The following BRINP3 variants were observed in gnomAD, a reference collection of about 807,000 sequenced individuals.
The protein encoded by BRINP3 is BMP/retinoic acid-inducible neural-specific protein 3.
A neutral mutation model predicts 71.0 loss-of-function variants in BRINP3; 19 were observed. The ratio of observed to expected loss-of-function variants is 0.27; its 90% CI spans 0.19 to 0.39. The LOEUF (loss-of-function observed/expected upper bound fraction) is 0.39. Ranked by LOEUF, BRINP3 falls within the 10% of genes least tolerant of loss-of-function variation. The probability of loss-of-function intolerance (pLI) is 1.00; values close to 1 mark genes in which losing one functional copy is unlikely to be tolerated. For synonymous variants in BRINP3, 380 were observed against 337.7 expected (o/e 1.13, Z -1.37); for missense variants, 959 against 940.8 (o/e 1.02, Z -0.25).
At chr1:190,247,692 A>G (rs1173042222) in intron 4 of BRINP3, among the ~76,000 whole-genome samples, 2 of 151,134 alleles carry the variant, frequency 1.3e-5, no homozygotes, top group Non-Finnish European at 3.0e-5. Flanking sequence ...CTACCTCTCT[A>G]CTTTCAGGAA....
At chr1:190,430,922 C>A (rs1674056137) in intron 2 of BRINP3, among the ~76,000 whole-genome samples, 1 of 151,868 alleles carries the variant, frequency 6.6e-6, no homozygotes, top group East Asian at 1.9e-4. Flanking sequence ...CTACTTAAAT[C>A]TGTTTATCCT....
At chr1:190,265,093 T>C (rs368333246) in intron 3 of BRINP3, 38 bp from the exon 4 acceptor site, 2 of 1,549,952 alleles carry the variant, frequency 1.3e-6, no homozygotes, top group African/African-American at 1.4e-5. Flanking sequence ...AATTTTCCAC[T>C]TAAAATCTTT....
chr1:190,470,341 ACTATAATAAATTCTAATGTAATGTTCAT>A (rs1274467504), intron 1 of BRINP3, among the ~76,000 whole-genome samples: 1 of 151,092 alleles, frequency 6.6e-6, no homozygotes, highest in Non-Finnish European at 1.5e-5. Context: ...ATGGCAGAGA[ACTATAATAAATTCTAATGTAATGTTCAT>A]GTATTTATTA....
At chr1:190,102,310 T>C (rs1651772166) in intron 7 of BRINP3, among the ~76,000 whole-genome samples, 1 of 152,142 alleles carries the variant, frequency 6.6e-6, no homozygotes, top group South Asian at 2.1e-4. Flanking sequence ...CCCCTTACTT[T>C]ATCTTAAAAC....
rs561365229 is a variant in BRINP3, at chr1:190,359,648, C to T, written c.237-77898G>A. On this transcript the variant is annotated intron_variant, in intron 2 of 7. Transcript: ENST00000367462. ...ATCAATCAATCTCTGAACCTCAAACCTGTGGGAGCTTGGCCATACCTCTTG... is the reference window on the plus strand; with the variant it reads ...ATCAATCAATCTCTGAACCTCAAACTTGTGGGAGCTTGGCCATACCTCTTG... Among the ~76,000 whole-genome samples the T allele has an allele frequency of 3.9e-5, 6 of 152,144 alleles. No homozygotes were observed. In the East Asian group the frequency reaches 1.2e-3, roughly 29 times the overall value.
intron 2 of BRINP3, among the ~76,000 whole-genome samples, chr1:190,439,516 A>T (rs1055428995): frequency 1.5e-4 from 22 of 151,636 alleles, no homozygotes; most frequent in African/African-American, 5.1e-4. Context: ...TTTTTGTAAG[A>T]AGGTCTGTAA....
intron 2 of BRINP3, among the ~76,000 whole-genome samples, chr1:190,373,800 G>T (rs1670018189): frequency 6.6e-6 from 1 of 151,462 alleles, no homozygotes; most frequent in Admixed American, 6.6e-5. Flanking sequence ...AGTAATTGTG[G>T]TTCGTGCAAA....
At chr1:190,408,683 A>T (rs980056347) in intron 2 of BRINP3, among the ~76,000 whole-genome samples, 16 of 152,210 alleles carry the variant, frequency 1.1e-4, no homozygotes, top group Non-Finnish European at 1.0e-4. Context: ...TTTCTATCAC[A>T]TACATTATAC....
At chr1:190,314,661 A>AT (rs1237938198) in intron 2 of BRINP3, among the ~76,000 whole-genome samples, 6 of 152,140 alleles carry the variant, frequency 3.9e-5, no homozygotes, top group African/African-American at 1.4e-4. Context: ...TGACATATTG[A>AT]TTTTAGCCCA....
chr1:190,455,458 T>C (rs1675921514), intron 1 of BRINP3, among the ~76,000 whole-genome samples: 1 of 152,078 alleles, frequency 6.6e-6, no homozygotes, highest in Non-Finnish European at 1.5e-5. Context: ...TGTATGTATA[T>C]GTGTGTATAT....
chr1:190,121,645 A>T (rs1653672153), intron 7 of BRINP3, among the ~76,000 whole-genome samples: 2 of 152,330 alleles, frequency 1.3e-5, no homozygotes, highest in Middle Eastern at 3.4e-3. Context: ...TTGCATAAGC[A>T]TTAATATAAA....
At chr1:190,461,301 G>A (rs995850263) in intron 1 of BRINP3, among the ~76,000 whole-genome samples, 4 of 151,972 alleles carry the variant, frequency 2.6e-5, no homozygotes, top group Non-Finnish European at 4.4e-5. Flanking sequence ...AGTTTATTGC[G>A]GTTCCTCTGC....
At chr1:190,150,821 G>C (rs1328748689) in intron 7 of BRINP3, among the ~76,000 whole-genome samples, 1 of 152,082 alleles carries the variant, frequency 6.6e-6, no homozygotes, top group East Asian at 1.9e-4. Context: ...ATCTCAGTCA[G>C]ATGACACCAA....
chr1:190,431,142 A>G (rs2102507506), intron 2 of BRINP3, among the ~76,000 whole-genome samples: 1 of 152,270 alleles, frequency 6.6e-6, no homozygotes, highest in South Asian at 2.1e-4. Context: ...CTGAATTCTC[A>G]TAACATTATT....
At chr1:190,166,908 A>G (rs1008135488) in intron 6 of BRINP3, among the ~76,000 whole-genome samples, 1 of 151,982 alleles carries the variant, frequency 6.6e-6, no homozygotes. Flanking sequence ...TATTTTTAGT[A>G]GAGACGGGGA....
rs77765732 is a variant in BRINP3 at position 190,175,227 on chromosome 1, C to T, written c.962-14337G>A. 4.9e-3 allele frequency among the ~76,000 whole-genome samples: 751 copies of T among 152,060 alleles called. 6 individuals are homozygous for T. The highest frequency in any genetic ancestry group is 0.017 in the African/African-American group (702 of 41,470). ...TAAATTGAAATAGCAAATTGCAAAG[C>T]GAGTGAAATTGTTATCAGAGGGATT... On this transcript the variant is annotated intron_variant, in intron 6 of 7. Transcript: ENST00000367462.
Position 190,324,218 on chromosome 1 carries a change from CGT to C in BRINP3, c.237-42470_237-42469del, listed in dbSNP as rs1008896756. On this transcript the variant is annotated intron_variant, in intron 2 of 7. Coordinates refer to ENST00000367462, the MANE Select transcript of BRINP3 (RefSeq NM_199051.3). The stretch of plus-strand genomic sequence containing the variant: ...TTTTCTAAGACCTATAGCTATACAA[CGT>C]GTGTGTTGTCTCGGAACACGAAAGC... Among the ~76,000 whole-genome samples, 110 of 152,002 alleles carry C rather than the reference CGT, an allele frequency of 7.2e-4. 1 individual carries two copies. Among genetic ancestry groups the C allele is most frequent in the African/African-American group, 2.5e-3 (104 of 41,506 alleles).
At chr1:190,188,129 C>A (rs1403051756) in intron 6 of BRINP3, among the ~76,000 whole-genome samples, 1 of 151,672 alleles carries the variant, frequency 6.6e-6, no homozygotes. Context: ...CATTTTTGTA[C>A]CTATTGTAAA....
At chr1:190,475,977 A>G (rs1043070083) in intron 1 of BRINP3, 1 of 152,542 alleles carries the variant, frequency 6.6e-6, no homozygotes, top group Non-Finnish European at 1.5e-5. Context: ...GTCAGGCAGG[A>G]CGACCGGACT....
Sources: gnomAD v4.1 joint callset for allele counts (sites outside exome capture counted in the v4.1 genomes callset) on GRCh38, gnomAD v4.1.1 for gene constraint, MANE v1.5 for transcripts, NCBI Gene and HGNC (gene_info 2026-07-23, HGNC 2026-07-21) for gene names.